CCDC102B: variants seen among roughly 807,000 people sequenced by gnomAD.
CCDC102B encodes the protein coiled-coil domain containing 102B.
CCDC102B carries 75 observed loss-of-function variants against 57.4 expected under a neutral mutation model. That is an observed-to-expected ratio of 1.31 (90% CI 1.08 to 1.58). The LOEUF is 1.58. Among genes scored for constraint, CCDC102B ranks in the 40% most tolerant of loss-of-function variants. CCDC102B has a pLI of 0.00. For synonymous variants in CCDC102B, 206 were observed against 201.9 expected, an observed-to-expected ratio of 1.02 and a Z score of -0.17; for missense variants, 636 against 582.6, an observed-to-expected ratio of 1.09 and a Z score of -0.94.
chr18:68,951,673 T>C (rs1395472783), intron 6 of CCDC102B, among the ~76,000 whole-genome samples: 1 of 151,996 alleles, frequency 6.6e-6, no homozygotes, highest in African/African-American at 2.4e-5. Context: ...CTGGGTGTGG[T>C]GTCACACATC....
intron 2 of CCDC102B, among the ~76,000 whole-genome samples, chr18:68,756,097 C>A (rs946680677): frequency 1.3e-5 from 2 of 151,244 alleles, no homozygotes; most frequent in Admixed American, 6.6e-5. Context: ...TTAAATCAAG[C>A]AAAGTTTATA....
At chr18:68,912,170 T>C (rs962568661) in intron 6 of CCDC102B, among the ~76,000 whole-genome samples, 5 of 20,802 alleles carry the variant, frequency 2.4e-4, no homozygotes, top group African/African-American at 1.0e-3. Context: ...GAAGACAGTT[T>C]TCTACAAAGT....
At chr18:68,828,322 C>CAAAAAAA (rs58180806) in intron 1 of CCDC102B, among the ~76,000 whole-genome samples, 12 of 80,798 alleles carry the variant, frequency 1.5e-4, no homozygotes, top group Non-Finnish European at 2.3e-4. Context: ...ACCCTATTTA[C>CAAAAAAA]AAAAAAAAAA....
intron 6 of CCDC102B, among the ~76,000 whole-genome samples, chr18:68,949,006 G>A (rs563188901): frequency 1.3e-5 from 2 of 152,198 alleles, no homozygotes; most frequent in Non-Finnish European, 2.9e-5. Flanking sequence ...TGAAGAACTT[G>A]GAATCTGTTG....
chr18:68,951,086 CTG>C (rs1490737521), intron 6 of CCDC102B, among the ~76,000 whole-genome samples: 3 of 152,024 alleles, frequency 2.0e-5, no homozygotes, highest in Non-Finnish European at 4.4e-5. Context: ...TGGAGAAAAA[CTG>C]AGCATACACA....
rs1568292446 is a variant in CCDC102B at position 68,857,237 on chromosome 18, T to TTATATA, written c.936+10816_936+10817insTATATA. On this transcript the variant is annotated intron_variant, in intron 4 of 7. Transcript: ENST00000360242. ...AAATATATTTATATATTTTTATATA[T>TTATATA]AAATATATATTTATTATTTAAATAT... 2.3e-4 allele frequency among the ~76,000 whole-genome samples: 19 copies of TTATATA among 82,474 alleles called. 1 individual carries two copies. The highest frequency in any genetic ancestry group is 5.8e-4 in the Admixed American group (3 of 5,150). The allele number at this position is 82,474 out of a possible 152,430, so 54.1% of individuals were successfully genotyped here. A position where few individuals can be genotyped will look rare whatever the true frequency, so the allele number is the denominator to read the frequency against.
At chr18:69,000,864 G>T (rs577467256) in intron 6 of CCDC102B, among the ~76,000 whole-genome samples, 1 of 152,194 alleles carries the variant, frequency 6.6e-6, no homozygotes, top group Non-Finnish European at 1.5e-5. Context: ...AAATAGAATT[G>T]CTATACTTCT....
chr18:68,943,137 C>T lies in CCDC102B; in HGVS notation c.1263+45709C>T, dbSNP rs143846764. ...GTTACAGATTAACAGTATCTCAAGG[C>T]AGAAGAATTTTTCTTAGTACAGAAC... On this transcript the variant is annotated intron_variant, in intron 6 of 7. Transcript: ENST00000360242. Among the ~76,000 whole-genome samples the T allele has an allele frequency of 7.9e-3, 1,176 of 149,118 alleles. 13 individuals carry two copies. The highest frequency in any genetic ancestry group is 0.027 in the African/African-American group (1,122 of 40,848).
intron 5 of CCDC102B, among the ~76,000 whole-genome samples, chr18:68,894,404 C>T (rs1051965758): frequency 4.0e-5 from 6 of 151,858 alleles, no homozygotes; most frequent in African/African-American, 1.2e-4. Context: ...TGCTAGAACA[C>T]GCTATTGGTT....
chr18:68,755,707 A>G (rs1426480787), intron 2 of CCDC102B, among the ~76,000 whole-genome samples: 1 of 151,944 alleles, frequency 6.6e-6, no homozygotes, highest in East Asian at 1.9e-4. Flanking sequence ...AGACAAAAAT[A>G]ATATTTAAAA....
chr18:68,977,032 T>A (rs1324601038), intron 6 of CCDC102B, among the ~76,000 whole-genome samples: 1 of 152,032 alleles, frequency 6.6e-6, no homozygotes, highest in East Asian at 1.9e-4. Flanking sequence ...ATATATCCTA[T>A]AAATCCTGAT....
intron 6 of CCDC102B, among the ~76,000 whole-genome samples, chr18:68,905,617 G>A (rs1000022084): frequency 3.3e-5 from 5 of 151,558 alleles, no homozygotes; most frequent in African/African-American, 4.8e-5. Context: ...TAATTCCAAA[G>A]CACTTTCATC....
chr18:68,849,202 A>C (rs2038011863), intron 4 of CCDC102B, among the ~76,000 whole-genome samples: 1 of 152,098 alleles, frequency 6.6e-6, no homozygotes, highest in Non-Finnish European at 1.5e-5. Context: ...TGTAGCTAAA[A>C]TTCTGTACTC....
chr18:68,967,225 ACT>A (rs2050187752), intron 6 of CCDC102B, among the ~76,000 whole-genome samples: 1 of 151,832 alleles, frequency 6.6e-6, no homozygotes, highest in South Asian at 2.1e-4. Flanking sequence ...GCATATAGAG[ACT>A]CTCTACCAGT....
At chr18:68,972,316 T>C (rs1345929973) in intron 6 of CCDC102B, among the ~76,000 whole-genome samples, 1 of 152,134 alleles carries the variant, frequency 6.6e-6, no homozygotes, top group Non-Finnish European at 1.5e-5. Context: ...TTTTTTCCTT[T>C]CTGGTGGATC....
In CCDC102B at chr18:68,836,840, G is replaced by A. The variant is rs369641939; in HGVS notation, c.77G>A (p.Arg26His). ...ATGCAACAATCATCAATTAAGTCACGCGGCGACATGGTGGCACCTGCCTCA... is the reference window on the plus strand; with the variant it reads ...ATGCAACAATCATCAATTAAGTCACACGGCGACATGGTGGCACCTGCCTCA... ...FQMQQSSIKS[R>H]GDMVAPASPP... The change falls in exon 2 of 8, where the codon CGC (arginine) becomes CAC (histidine). Residue 26 changes from arginine (R) to histidine (H), a missense_variant. By Grantham distance (29) the Arg-to-His change is conservative. Transcript: ENST00000360242. 48 of 1,613,826 alleles carry A rather than the reference G, an allele frequency of 3.0e-5. No individual in the cohort carries two copies. The East Asian group carries it at 7.1e-4, about 24-fold the overall frequency.
At chr18:69,000,480 A>T (rs1279910372) in intron 6 of CCDC102B, among the ~76,000 whole-genome samples, 3 of 152,196 alleles carry the variant, frequency 2.0e-5, no homozygotes, top group African/African-American at 7.2e-5. Context: ...ACGTATATAG[A>T]CACATACATA....
intron 2 of CCDC102B, among the ~76,000 whole-genome samples, chr18:68,749,105 T>C (rs1387291460): frequency 1.3e-5 from 2 of 152,188 alleles, no homozygotes; most frequent in African/African-American, 2.4e-5. Context: ...GTATTATTTC[T>C]GAGGGCTCTG....
At chr18:68,919,136 A>G (rs755448019) in intron 6 of CCDC102B, among the ~76,000 whole-genome samples, 55 of 152,094 alleles carry the variant, frequency 3.6e-4, no homozygotes, top group Middle Eastern at 3.4e-3. Flanking sequence ...ATTCTATGAT[A>G]CATATTATAT....
Sources: gnomAD v4.1 joint callset for allele counts (sites outside exome capture counted in the v4.1 genomes callset) on GRCh38, gnomAD v4.1.1 for gene constraint, MANE v1.5 for transcripts, NCBI Gene and HGNC (gene_info 2026-07-23, HGNC 2026-07-21) for gene names.